The following DOCK5 variants were observed in gnomAD, a reference collection of about 807,000 sequenced individuals.
The protein encoded by DOCK5 is dedicator of cytokinesis 5.
In DOCK5, 142 loss-of-function variants were observed where a neutral mutation model predicts 251.8. That is an observed-to-expected ratio of 0.56 (90% CI 0.49 to 0.65). The LOEUF is 0.65. Among genes scored for constraint, DOCK5 ranks in the 30% least tolerant of loss-of-function variants. DOCK5 has a pLI of 0.00. For synonymous variants in DOCK5, 842 were observed against 835.5 expected, an observed-to-expected ratio of 1.01 and a Z score of -0.13; for missense variants, 2,111 against 2,312.3, an observed-to-expected ratio of 0.91 and a Z score of 1.79.
chr8:25,314,573 CATCT>C (rs1331990660), intron 13 of DOCK5, among the ~76,000 whole-genome samples: 8 of 137,408 alleles, frequency 5.8e-5, no homozygotes, highest in Admixed American at 1.5e-4. Flanking sequence ...CCCACCCACC[CATCT>C]ATCATCCATC....
chr8:25,230,987 G>T (rs17188237), intron 1 of DOCK5, among the ~76,000 whole-genome samples: 127 of 152,190 alleles, frequency 8.3e-4, no homozygotes, highest in African/African-American at 3.0e-3. Context: ...CTATACTCAT[G>T]CTCTTCCCTA....
chr8:25,334,006 A>G, intron 20 of DOCK5, 90 bp from the exon 21 acceptor site: 2 of 921,206 alleles, frequency 2.2e-6, no homozygotes, highest in Non-Finnish European at 3.6e-6. Flanking sequence ...TCCAGAGAGG[A>G]AAGAAGGCAC....
At chr8:25,378,826 G>A (rs1563222490) in intron 38 of DOCK5, among the ~76,000 whole-genome samples, 1 of 152,160 alleles carries the variant, frequency 6.6e-6, no homozygotes, top group Non-Finnish European at 1.5e-5. Flanking sequence ...TTCAACATAG[G>A]TTCTTTCTAT....
At position 25,292,162 on chromosome 8, in the gene DOCK5, C is replaced by A; in HGVS notation, c.460C>A (p.His154Asn). 1 of 1,577,480 alleles carries A rather than the reference C, an allele frequency of 6.3e-7. No individual in the cohort carries two copies. The highest frequency in any genetic ancestry group is 2.3e-5 in the East Asian group (1 of 43,318). The change falls in exon 6 of 52, where the codon CAT becomes AAT. Residue 154 changes from histidine to asparagine, a missense_variant. His to Asn is a moderately conservative substitution (Grantham distance 68). This residue lies in a region of DOCK5 where 335 missense variants were observed against 324.9 expected (regional missense o/e 1.03). Transcript: ENST00000276440. Reference sequence around the variant, plus strand: ...GAAGAAAGTCACAGCCAAAATTGATCATGGGAACAGGTAGGTAAACCAGGG... The same window carrying A: ...GAAGAAAGTCACAGCCAAAATTGATAATGGGAACAGGTAGGTAAACCAGGG... ...LKKKVTAKID[H>N]GNRMLGLDLV... is the part of the protein sequence containing the mutation.
At chr8:25,198,654 G>A (rs1801795811) in intron 1 of DOCK5, among the ~76,000 whole-genome samples, 1 of 151,904 alleles carries the variant, frequency 6.6e-6, no homozygotes, top group African/African-American at 2.4e-5. Context: ...AGAATCAGAA[G>A]ATATTAAGAG....
intron 28 of DOCK5, among the ~76,000 whole-genome samples, chr8:25,361,959 C>T (rs1421400080): frequency 2.6e-5 from 4 of 152,182 alleles, no homozygotes; most frequent in African/African-American, 9.7e-5. Flanking sequence ...TGGAAAAGGT[C>T]TAAATTTAGC....
chr8:25,301,123 C>G (rs1035969159), intron 9 of DOCK5, among the ~76,000 whole-genome samples: 14 of 152,176 alleles, frequency 9.2e-5, no homozygotes, highest in African/African-American at 3.4e-4. Context: ...AGCGTGCTCC[C>G]TTTAAGTGAA....
Position 25,369,820 on chromosome 8 carries a change from C to G in DOCK5, c.3524+179C>G, listed in dbSNP as rs2048081. 0.48 allele frequency among the ~76,000 whole-genome samples: 72,145 copies of G among 151,844 alleles called. 17,303 individuals carry two copies. The highest frequency in any genetic ancestry group is 0.54 in the Middle Eastern group (159 of 294). Reference sequence around the variant, plus strand: ...TGTCCACAGCTGACATTGTTTATCTCGTGGGAGTCAAATGCTGGTATTTTC... The same window carrying G: ...TGTCCACAGCTGACATTGTTTATCTGGTGGGAGTCAAATGCTGGTATTTTC... On this transcript the variant is annotated intron_variant, in intron 34 of 51. Transcript: ENST00000276440.
rs558212398 is a variant in DOCK5 at position 25,226,821 on chromosome 8, G to A, written c.44-16853G>A. Among the ~76,000 whole-genome samples, 78 of 152,172 alleles carry A rather than the reference G, an allele frequency of 5.1e-4. 1 individual carries two copies. Among genetic ancestry groups the A allele is most frequent in the African/African-American group, 1.7e-3 (72 of 41,536 alleles). On this transcript the variant is annotated intron_variant, in intron 1 of 51. Transcript: ENST00000276440. ...AAGATGGTCTCGATCTCCTGACTTCGTGATCCACCCGTCTTGGCCTCCCAA... is the reference window on the plus strand; with the variant it reads ...AAGATGGTCTCGATCTCCTGACTTCATGATCCACCCGTCTTGGCCTCCCAA...
rs1801595461 is a variant in DOCK5, at chr8:25,410,135, C to T, written c.5441C>T (p.Thr1814Ile). The change falls in exon 51 of 52, where the codon ACT becomes ATT. Residue 1814 changes from threonine (T) to isoleucine (I), a missense_variant. By Grantham distance (89) the Thr-to-Ile change is moderately conservative. Coordinates refer to ENST00000276440, the MANE Select transcript of DOCK5 (RefSeq NM_024940.8). Reference sequence around the variant, plus strand: ...TTGCAGACAGATGGAATCGCGGCCACTCCTGTCCCACCTCCACCTCCCCCC... The same window carrying T: ...TTGCAGACAGATGGAATCGCGGCCATTCCTGTCCCACCTCCACCTCCCCCC... ...PSLQTDGIAA[T>I]PVPPPPPPKS... The T allele has an allele frequency of 1.2e-6, 2 of 1,613,668 alleles. No homozygotes were observed. The highest frequency in any genetic ancestry group is 2.2e-5 in the East Asian group (1 of 44,796).
intron 1 of DOCK5, among the ~76,000 whole-genome samples, chr8:25,234,808 T>C (rs1263948377): frequency 6.6e-6 from 1 of 152,250 alleles, no homozygotes; most frequent in Non-Finnish European, 1.5e-5. Context: ...TGCAATAAAA[T>C]GGCTTTGCTC....
At chr8:25,368,510 A>AT (rs1417335830) in intron 32 of DOCK5, 61 bp from the exon 33 acceptor site, 3 of 1,530,332 alleles carry the variant, frequency 2.0e-6, no homozygotes, top group Non-Finnish European at 2.6e-6. Context: ...GTGGAGGAAG[A>AT]TTTTAACACT....
Position 25,317,096 on chromosome 8 carries a change from A to G in DOCK5, c.1408A>G (p.Met470Val). The change falls in exon 14 of 52, where the codon ATG (methionine) becomes GTG (valine). Residue 470 changes from methionine to valine, a missense_variant. By Grantham distance (21) the Met-to-Val change is conservative (BLOSUM62 1). This residue lies in a region of DOCK5 where 1,717 missense variants were observed against 1,892.4 expected (regional missense o/e 0.91). Coordinates refer to ENST00000276440, the MANE Select transcript of DOCK5 (RefSeq NM_024940.8). ...GACGCCAAAGAATGTGGAGGTGACG[A>G]TGTCTGTGCACGATGAGGAGGGCAA... ...KKTPKNVEVT[M>V]SVHDEEGKLL... 1 of 1,613,906 alleles carries G rather than the reference A, an allele frequency of 6.2e-7. No homozygotes were observed. Among genetic ancestry groups the G allele is most frequent in the Non-Finnish European group, 8.5e-7 (1 of 1,179,858 alleles).
At chr8:25,358,563 T>C (rs1020775559) in intron 27 of DOCK5, among the ~76,000 whole-genome samples, 26 of 152,176 alleles carry the variant, frequency 1.7e-4, no homozygotes, top group African/African-American at 5.3e-4. Context: ...CCTCTTTTCC[T>C]GCTAGCCTTC....
chr8:25,286,760 C>T (rs1434832551), intron 5 of DOCK5, among the ~76,000 whole-genome samples: 3 of 152,046 alleles, frequency 2.0e-5, no homozygotes, highest in Non-Finnish European at 4.4e-5. Context: ...AACTCCCAGG[C>T]TCAAGCAATC....
In DOCK5 at chr8:25,395,690, G is replaced by A. The variant is rs756518291; in HGVS notation, c.4675G>A (p.Val1559Ile). Residue 1559 changes from valine (V) to isoleucine (I), a missense_variant, in exon 45 of 52, where the codon GTC (valine) becomes ATC (isoleucine). Physicochemically the swap from Val to Ile is conservative, Grantham distance 29. Around this residue, in one of 3 missense-constraint regions of DOCK5, gnomAD observed 1,717 missense variants for 1,892.4 expected, o/e 0.91. Transcript: ENST00000276440. Reference protein sequence around the residue: ...MLLSGIVDPAVMGGFSNYEKA... With the variant: ...MLLSGIVDPAIMGGFSNYEKA... Reference sequence around the variant, plus strand: ...GCTCAGTGGCATCGTGGACCCGGCCGTCATGGGGGGCTTCTCCAACTATGA... The same window carrying A: ...GCTCAGTGGCATCGTGGACCCGGCCATCATGGGGGGCTTCTCCAACTATGA... 3.2e-5 allele frequency: 51 copies of A among 1,613,634 alleles called. No individual in the cohort carries two copies. The highest frequency in any genetic ancestry group is 1.2e-4 in the Admixed American group (7 of 59,986).
intron 1 of DOCK5, among the ~76,000 whole-genome samples, chr8:25,191,872 C>T (rs887365393): frequency 6.6e-6 from 1 of 151,230 alleles, no homozygotes; most frequent in African/African-American, 2.4e-5. Context: ...CACCCATTAA[C>T]TCGTCATTTA....
intron 1 of DOCK5, among the ~76,000 whole-genome samples, chr8:25,188,326 G>T (rs1398089620): frequency 6.6e-6 from 1 of 152,176 alleles, no homozygotes; most frequent in African/African-American, 2.4e-5. Context: ...TGGCTTTCTG[G>T]ACTTCTCTAA....
At chr8:25,275,487 A>G in intron 4 of DOCK5, 46 bp downstream of exon 4, 1 of 1,526,784 alleles carries the variant, frequency 6.5e-7, no homozygotes, top group South Asian at 1.2e-5. Flanking sequence ...TGAAGATGTA[A>G]CATTATCATT....
Sources: gnomAD v4.1 joint callset for allele counts (sites outside exome capture counted in the v4.1 genomes callset) on GRCh38, gnomAD v4.1.1 for gene constraint, gnomAD v4.1.1 regional missense constraint, MANE v1.5 for transcripts, NCBI Gene and HGNC (gene_info 2026-07-23, HGNC 2026-07-21) for gene names.